MRAP: variants seen among roughly 807,000 people sequenced by gnomAD.
The protein encoded by MRAP is melanocortin-2 receptor accessory protein.
Under a neutral mutation model 8.7 loss-of-function variants are expected in MRAP, and 8 were observed. The ratio of observed to expected loss-of-function variants is 0.92; its 90% CI spans 0.54 to 1.66. MRAP has a LOEUF of 1.66. MRAP is among the 40% of genes most tolerant of loss of function. MRAP has a pLI of 0.00. For synonymous variants in MRAP, 95 were observed against 95.5 expected, an observed-to-expected ratio of 1.00 and a Z score of 0.03; for missense variants, 237 against 217.1, an observed-to-expected ratio of 1.09 and a Z score of -0.58.
Position 32,311,824 on chromosome 21 carries a change from G to C in MRAP, c.347G>C (p.Arg116Thr), listed in dbSNP as rs1415709759. 6 of 1,613,968 alleles carry C rather than the reference G, an allele frequency of 3.7e-6. No homozygotes were observed. The highest frequency in any genetic ancestry group is 1.7e-5 in the Admixed American group (1 of 60,026). ...GCGAGCTCAGTGGAGCCAGGGAGCA[G>C]AACTGGCCCTGACCAGCCGCTACGA... is the stretch of plus-strand genomic sequence containing the variant. ...AQASSVEPGSRTGPDQPLRQE... is the reference protein window; with the variant it reads ...AQASSVEPGSTTGPDQPLRQE... The change falls in exon 3 of 3, where the codon AGA (arginine) becomes ACA (threonine). Residue 116 changes from arginine to threonine, a missense_variant. Coordinates refer to ENST00000303645, the MANE Select transcript of MRAP (RefSeq NM_001379228.1).
chr21:32,312,318 C>A (rs1163236907), downstream of MRAP: 2 of 1,281,946 alleles, frequency 1.6e-6, no homozygotes, highest in Admixed American at 6.6e-5. Flanking sequence ...CTTTACTATG[C>A]CACTTTACCA....
intron 2 of MRAP, chr21:32,311,404 CTCCA>C: frequency 2.3e-6 from 1 of 440,376 alleles, no homozygotes. Flanking sequence ...ACCTGCTCCC[CTCCA>C]CCCCCCACCC....
chr21:32,312,860 G>C (rs1309263117), downstream of MRAP: 1 of 152,154 alleles, frequency 6.6e-6, no homozygotes, highest in African/African-American at 2.4e-5. Context: ...CCCCACTTAA[G>C]ATATTTCTAA....
chr21:32,310,623 C>A (rs1040480688), intron 2 of MRAP, among the ~76,000 whole-genome samples: 1 of 152,112 alleles, frequency 6.6e-6, no homozygotes, highest in African/African-American at 2.4e-5. Context: ...CAGGAGAATC[C>A]ACCCAGGGAG....
upstream of MRAP, among the ~76,000 whole-genome samples, chr21:32,295,386 C>T (rs369558173): frequency 1.3e-4 from 20 of 152,282 alleles, no homozygotes; most frequent in East Asian, 3.9e-3. Flanking sequence ...TGTCCACATG[C>T]CATGCTTGAG....
chr21:32,309,244 C>G (rs2032493888), intron 2 of MRAP, among the ~76,000 whole-genome samples: 1 of 151,966 alleles, frequency 6.6e-6, no homozygotes, highest in Non-Finnish European at 1.5e-5. Flanking sequence ...CCAGTGTTGC[C>G]ACACTGGGGA....
chr21:32,312,569 C>T (rs139698268), downstream of MRAP: 2,723 of 164,174 alleles, frequency 0.017, 82 homozygotes, highest in African/African-American at 0.061. Flanking sequence ...AGGCAGCCAA[C>T]GCCTGTCAGC....
At chr21:32,299,584 G>A (rs1025832166) in intron 1 of MRAP, among the ~76,000 whole-genome samples, 13 of 152,128 alleles carry the variant, frequency 8.5e-5, no homozygotes, top group Non-Finnish European at 5.9e-5. Flanking sequence ...CCCAATCTCG[G>A]CTTCCCAAAG....
chr21:32,309,917 C>A (rs1254874627), intron 2 of MRAP, among the ~76,000 whole-genome samples: 2 of 151,972 alleles, frequency 1.3e-5, no homozygotes. Context: ...AGGTCAGGAG[C>A]CACTGTGCAC....
At chr21:32,299,899 G>A (rs1002617666) in intron 1 of MRAP, among the ~76,000 whole-genome samples, 4 of 152,108 alleles carry the variant, frequency 2.6e-5, no homozygotes, top group Non-Finnish European at 5.9e-5. Context: ...CTTGGCTAAC[G>A]TGGCATGTGT....
intron 1 of MRAP, among the ~76,000 whole-genome samples, chr21:32,300,372 C>G (rs1569025887): frequency 6.8e-6 from 1 of 147,256 alleles, no homozygotes; most frequent in Non-Finnish European, 1.5e-5. Flanking sequence ...TGTCACACAT[C>G]CTATGTCAGG....
chr21:32,298,134 T>C (rs573705163), upstream of MRAP, among the ~76,000 whole-genome samples: 1 of 152,340 alleles, frequency 6.6e-6, no homozygotes, highest in South Asian at 2.1e-4. Context: ...CTTGTTAGTG[T>C]CTGAGGATCT....
At position 32,311,837 on chromosome 21, in the gene MRAP, C is replaced by T. The variant is rs2032583770; in HGVS notation, c.360C>T (p.Asp120=). ...AGCCAGGGAGCAGAACTGGCCCTGA[C>T]CAGCCGCTACGACAGGAGAGCTCCT... ...SVEPGSRTGP[D]QPLRQESSST... Residue 120 remains aspartate, a synonymous_variant, in exon 3 of 3, where the codon GAC becomes GAT. Transcript: ENST00000303645. 6.2e-7 allele frequency: 1 copy of T among 1,614,020 alleles called. No homozygotes were observed.
At chr21:32,297,139 T>C (rs1043395415), upstream of MRAP, among the ~76,000 whole-genome samples, 1 of 152,180 alleles carries the variant, frequency 6.6e-6, no homozygotes, top group Non-Finnish European at 1.5e-5. Flanking sequence ...AAACTTGCAA[T>C]ATCTGAGTAA....
intron 1 of MRAP, 63 bp downstream of exon 1, chr21:32,299,140 C>A: frequency 1.6e-6 from 2 of 1,284,266 alleles, no homozygotes; most frequent in Non-Finnish European, 2.2e-6. Context: ...AATGACTGGG[C>A]ACTCCCGGCT....
At chr21:32,301,911 A>G (rs941902279) in intron 1 of MRAP, among the ~76,000 whole-genome samples, 1 of 152,226 alleles carries the variant, frequency 6.6e-6, no homozygotes, top group Non-Finnish European at 1.5e-5. Flanking sequence ...AGAAAATTCA[A>G]AGTATAGATT....
At chr21:32,293,606 C>T (rs1409678585) in intron 2 of MRAP, among the ~76,000 whole-genome samples, 2 of 152,244 alleles carry the variant, frequency 1.3e-5, no homozygotes, top group African/African-American at 2.4e-5. Flanking sequence ...ACGTTTGTGC[C>T]GTCTCCCTCT....
intron 2 of MRAP, among the ~76,000 whole-genome samples, chr21:32,309,626 A>G (rs890603418): frequency 2.0e-5 from 3 of 149,020 alleles, no homozygotes; most frequent in Non-Finnish European, 3.0e-5. Context: ...TAATTTTTGT[A>G]TTTTTAGTAG....
upstream of MRAP, chr21:32,298,723 T>C: frequency 2.2e-6 from 1 of 462,654 alleles, no homozygotes; most frequent in East Asian, 4.4e-5. Context: ...CTGCTCTGTG[T>C]GCTTTGGAGT....
Sources: allele counts gnomAD v4.1 joint callset (sites outside exome capture counted in the v4.1 genomes callset), GRCh38; gene constraint gnomAD v4.1.1; transcripts MANE v1.5; gene names NCBI Gene and HGNC (gene_info 2026-07-23, HGNC 2026-07-21).